EGF: variants seen among roughly 807,000 people sequenced by gnomAD.
The protein encoded by EGF is epidermal growth factor.
In EGF, 95 loss-of-function variants were observed where a neutral mutation model predicts 143.8. That is an observed-to-expected ratio of 0.66 (90% CI 0.56 to 0.78). The LOEUF (loss-of-function observed/expected upper bound fraction) is 0.78, where lower values mean the gene tolerates loss of function less well. Among genes scored for constraint, EGF ranks in the 30% least tolerant of loss-of-function variants. The probability of loss-of-function intolerance (pLI) is 0.00; values close to 1 mark genes in which losing one functional copy is unlikely to be tolerated. For synonymous variants in EGF, 510 were observed against 510.5 expected (o/e 1.00, Z 0.01); for missense variants, 1,320 against 1,470.9 (o/e 0.90, Z 1.68).
At chr4:109,926,902 T>G (rs1248524320) in intron 1 of EGF, among the ~76,000 whole-genome samples, 2 of 152,260 alleles carry the variant, frequency 1.3e-5, no homozygotes, top group Non-Finnish European at 2.9e-5. Flanking sequence ...TCCATTGTTA[T>G]GTGATTTTAT....
intron 5 of EGF, among the ~76,000 whole-genome samples, chr4:109,948,631 G>A (rs1221108682): frequency 4.6e-5 from 7 of 151,998 alleles, no homozygotes; most frequent in Admixed American, 4.6e-4. Flanking sequence ...TTACAGGTGT[G>A]CATCATCACA....
At chr4:109,935,419 G>C (rs568010987) in intron 1 of EGF, among the ~76,000 whole-genome samples, 1 of 152,310 alleles carries the variant, frequency 6.6e-6, no homozygotes, top group South Asian at 2.1e-4. Context: ...CTGAGAGTTT[G>C]CTGAAGTTGC....
chr4:109,944,895 C>T lies in EGF; in HGVS notation c.738-178C>T, dbSNP rs1293233743. On this transcript the variant is annotated intron_variant, in intron 4 of 23. Transcript: ENST00000265171. The stretch of plus-strand genomic sequence containing the variant: ...AGCTAGAAATTATATCTTATTAGCT[C>T]AGAGTATGAGGAGATAAATAAAATT... Among the ~76,000 whole-genome samples the T allele has an allele frequency of 2.0e-5, 3 of 152,068 alleles. No homozygotes were observed. In the South Asian group the frequency reaches 6.2e-4, roughly 32 times the overall value.
chr4:109,937,032 T>G (rs1740947678), intron 1 of EGF, among the ~76,000 whole-genome samples: 1 of 152,136 alleles, frequency 6.6e-6, no homozygotes, highest in South Asian at 2.1e-4. Context: ...GGTGGAGAGT[T>G]CTGTAGATGT....
At chr4:109,918,492 T>A (rs752120304) in intron 1 of EGF, among the ~76,000 whole-genome samples, 18 of 152,158 alleles carry the variant, frequency 1.2e-4, no homozygotes, top group Non-Finnish European at 2.2e-4. Flanking sequence ...CTCTATCATA[T>A]GTTCCAGGAA....
intron 20 of EGF, among the ~76,000 whole-genome samples, chr4:109,995,924 C>T (rs1751735295): frequency 6.6e-6 from 1 of 152,160 alleles, no homozygotes; most frequent in South Asian, 2.1e-4. Context: ...CTCATGAATA[C>T]TAGTAAAAAT....
chr4:109,936,749 T>C (rs918382996), intron 1 of EGF, among the ~76,000 whole-genome samples: 2 of 152,234 alleles, frequency 1.3e-5, no homozygotes, highest in Admixed American at 6.5e-5. Flanking sequence ...GTCTTTGTTC[T>C]CATTGGTTTC....
chr4:109,999,600 C>G (rs993443966), intron 20 of EGF, 79 bp from the exon 21 acceptor site: 56 of 1,569,902 alleles, frequency 3.6e-5, no homozygotes, highest in Non-Finnish European at 4.1e-5. Flanking sequence ...GGTTGAGAGA[C>G]AGCTGAATAC....
intron 1 of EGF, among the ~76,000 whole-genome samples, chr4:109,919,857 A>G (rs1737468348): frequency 1.3e-5 from 2 of 151,630 alleles, no homozygotes; most frequent in African/African-American, 4.9e-5. Flanking sequence ...TTTCACTATA[A>G]AAAAGAAATG....
intron 1 of EGF, among the ~76,000 whole-genome samples, chr4:109,916,003 GT>G (rs771703204): frequency 1.1e-4 from 16 of 152,162 alleles, no homozygotes; most frequent in Non-Finnish European, 1.8e-4. Flanking sequence ...GAACCTTCAA[GT>G]CTATTTACCC....
chr4:109,963,031 C>T, intron 8 of EGF, 142 bp from the exon 9 acceptor site: 1 of 1,013,098 alleles, frequency 9.9e-7, no homozygotes, highest in Non-Finnish European at 1.5e-6. Flanking sequence ...TGCCATTGCA[C>T]TCCAGCCTGG....
chr4:109,988,588 A>G lies in EGF; in HGVS notation c.2613A>G (p.Ile871Met). The G allele has an allele frequency of 6.2e-7, 1 of 1,614,054 alleles. No homozygotes were observed. The highest frequency in any genetic ancestry group is 1.7e-5 in the Admixed American group (1 of 60,024). ...FAGDGKLCSDIDECEMGVPVC... is the reference protein window; with the variant it reads ...FAGDGKLCSDMDECEMGVPVC... ...AGTTCATAATTTTGCCCACAGATAT[A>G]GATGAATGTGAGATGGGTGTCCCAG... The change falls in exon 18 of 24, where the codon ATA (isoleucine) becomes ATG (methionine). Residue 871 changes from isoleucine (I) to methionine (M), a missense_variant. Coordinates refer to ENST00000265171, the MANE Select transcript of EGF (RefSeq NM_001963.6).
chr4:109,991,116 A>G (rs949400611), intron 18 of EGF, among the ~76,000 whole-genome samples: 2 of 152,224 alleles, frequency 1.3e-5, no homozygotes, highest in Admixed American at 6.5e-5. Flanking sequence ...TGTTGTCCCA[A>G]AGTTTCTACT....
intron 1 of EGF, among the ~76,000 whole-genome samples, chr4:109,938,463 C>G (rs1395733264): frequency 6.6e-6 from 1 of 152,186 alleles, no homozygotes; most frequent in Non-Finnish European, 1.5e-5. Flanking sequence ...TTAGAACATG[C>G]TCCTTTAGCT....
Position 109,963,340 on chromosome 4 carries a change from A to AG in EGF, c.1438+42_1438+43insG, listed in dbSNP as rs779967710. 5 of 1,613,370 alleles carry AG rather than the reference A, an allele frequency of 3.1e-6. No homozygotes were observed. The South Asian group carries it at 5.5e-5, about 18-fold the overall frequency. On this transcript the variant is annotated intron_variant, in intron 9 of 23. Transcript: ENST00000265171. ...TCTGGAACTGTGTCCCTGAAAAAAA[A>AG]TTCATGAAAATCTTTTGTTTAGAAA...
chr4:109,994,503 C>G (rs1217911281), intron 19 of EGF, among the ~76,000 whole-genome samples: 1 of 152,140 alleles, frequency 6.6e-6, no homozygotes, highest in African/African-American at 2.4e-5. Context: ...TTACCTGCCT[C>G]CAATATGCTT....
intron 19 of EGF, 80 bp from the exon 20 acceptor site, chr4:109,994,653 C>A: frequency 6.7e-7 from 1 of 1,497,172 alleles, no homozygotes; most frequent in Non-Finnish European, 9.2e-7. Flanking sequence ...AAACTATTCA[C>A]AGAAACTAGT....
chr4:109,999,490 G>A (rs1752265030), intron 20 of EGF, among the ~76,000 whole-genome samples, 189 bp from the exon 21 acceptor site: 1 of 152,182 alleles, frequency 6.6e-6, no homozygotes, highest in South Asian at 2.1e-4. Context: ...AGACGAAAGG[G>A]AGAAGTCCAT....
rs760022429 is a variant in EGF at position 109,959,261 on chromosome 4, G to A, written c.941-51G>A. 5 of 1,612,082 alleles carry A rather than the reference G, an allele frequency of 3.1e-6. No homozygotes were observed. In the Admixed American group the frequency reaches 8.4e-5, roughly 27 times the overall value. On this transcript the variant is annotated intron_variant, in intron 5 of 23. Coordinates refer to ENST00000265171, the MANE Select transcript of EGF (RefSeq NM_001963.6). ...AAGAATCAGGAAAAGATTTAGCAGT[G>A]TCCTCTGTCAAAACACGGCCCCACT... is the stretch of plus-strand genomic sequence containing the variant.
Sources: allele counts gnomAD v4.1 joint callset (sites outside exome capture counted in the v4.1 genomes callset), GRCh38; gene constraint gnomAD v4.1.1; transcripts MANE v1.5; gene names NCBI Gene and HGNC (gene_info 2026-07-23, HGNC 2026-07-21).